The following FKBP14 variants were observed in gnomAD, a reference collection of about 807,000 sequenced individuals.
FKBP14 encodes the protein peptidyl-prolyl cis-trans isomerase FKBP14.
Under a neutral mutation model 21.6 loss-of-function variants are expected in FKBP14, and 20 were observed. That is an observed-to-expected ratio of 0.92 (90% confidence interval 0.65 to 1.34). The LOEUF (loss-of-function observed/expected upper bound fraction) is 1.34, where lower values mean the gene tolerates loss of function less well. Ranked by LOEUF, FKBP14 falls within the 40% of genes most tolerant of loss-of-function variation. FKBP14 has a pLI of 0.00. For missense variants in FKBP14, 253 were observed against 249.0 expected (o/e 1.02, Z -0.11); for synonymous variants, 79 against 86.7 (o/e 0.91, Z 0.49).
At chr7:30,017,121 A>G (rs1197300624) in intron 3 of FKBP14, among the ~76,000 whole-genome samples, 1 of 152,144 alleles carries the variant, frequency 6.6e-6, no homozygotes, top group South Asian at 2.1e-4. Flanking sequence ...AGAAACTAAT[A>G]AAACTAAGCC....
downstream of FKBP14, among the ~76,000 whole-genome samples, chr7:30,006,302 T>G (rs1013128734): frequency 4.6e-5 from 7 of 151,912 alleles, no homozygotes; most frequent in African/African-American, 1.7e-4. Flanking sequence ...TTTAAATAAT[T>G]TTTTTGTAAA....
rs369590377 is a variant in FKBP14 at position 30,022,655 on chromosome 7, A to C, written c.349+10T>G. The C allele has an allele frequency of 1.2e-6, 2 of 1,607,840 alleles. No individual in the cohort carries two copies. Among genetic ancestry groups the C allele is most frequent in the Non-Finnish European group, 1.7e-6 (2 of 1,178,094 alleles). On this transcript the variant is annotated intron_variant, in intron 2 of 3. Coordinates refer to ENST00000222803, the MANE Select transcript of FKBP14 (RefSeq NM_017946.4). ...GTGCTATAGTAAGAAAAATACAGAA[A>C]TACTATTACCTTTTCCTTCTTTTCC...
chr7:30,020,467 T>C (rs1790002418), intron 2 of FKBP14, among the ~76,000 whole-genome samples: 2 of 152,206 alleles, frequency 1.3e-5, no homozygotes, highest in South Asian at 4.1e-4. Flanking sequence ...TAGTCCCCAC[T>C]GGGATATGTC....
rs1046042580 is a variant in FKBP14 at position 30,011,589 on chromosome 7, A to G, written c.*3146T>C. 1.1e-4 allele frequency: 15 copies of G among 131,548 alleles called. No individual in the cohort carries two copies. The highest frequency in any genetic ancestry group is 3.9e-4 in the African/African-American group (14 of 35,658). The allele number at this position is 131,548 out of a possible 1,614,324, so 8.1% of individuals were successfully genotyped here. A position where few individuals can be genotyped will look rare whatever the true frequency, so the allele number is the denominator to read the frequency against. ...CCATATATATGGTATATATATATAT[A>G]TAGTATATATATATATATATATTTT... On this transcript the variant is annotated 3_prime_UTR_variant, in exon 4 of 4. Coordinates refer to ENST00000222803, the MANE Select transcript of FKBP14 (RefSeq NM_017946.4).
downstream of FKBP14, among the ~76,000 whole-genome samples, chr7:30,007,931 C>T (rs911475038): frequency 6.6e-6 from 1 of 152,118 alleles, no homozygotes; most frequent in African/African-American, 2.4e-5. Flanking sequence ...CACCTTTAGT[C>T]CCAGCTACTT....
At chr7:30,018,005 A>T (rs919412399) in intron 3 of FKBP14, among the ~76,000 whole-genome samples, 9 of 31,224 alleles carry the variant, frequency 2.9e-4, no homozygotes, top group African/African-American at 7.7e-4. Flanking sequence ...CAGGAAATAA[A>T]TAAATAAATA....
Position 30,019,095 on chromosome 7 carries a change from T to C in FKBP14, c.378A>G (p.Ile126Met). ...KGKIPPESTL[I>M]FNIDLLEIRN... is the part of the protein sequence containing the mutation. ...GAATCTCCAGGAGATCAATATTAAA[T>C]ATCAGTGTACTTTCTGGGGGAATTT... Residue 126 changes from isoleucine to methionine, a missense_variant, in exon 3 of 4, where the codon ATA (isoleucine) becomes ATG (methionine). Ile to Met is a conservative substitution (Grantham distance 10). Coordinates refer to ENST00000222803, the MANE Select transcript of FKBP14 (RefSeq NM_017946.4). The C allele has an allele frequency of 6.3e-7, 1 of 1,585,762 alleles. No individual in the cohort carries two copies. The highest frequency in any genetic ancestry group is 8.5e-7 in the Non-Finnish European group (1 of 1,171,602).
At chr7:30,022,924 A>G (rs906043218) in intron 1 of FKBP14, 108 bp from the exon 2 acceptor site, 1 of 980,992 alleles carries the variant, frequency 1.0e-6, no homozygotes, top group Admixed American at 2.9e-5. Flanking sequence ...AAAAATTTAT[A>G]AATACAGCAA....
At position 30,026,372 on chromosome 7, in the gene FKBP14, T is replaced by A. The variant is rs1159422560; in HGVS notation, c.137A>T (p.Asp46Val). The change falls in exon 1 of 4, where the codon GAT becomes GTT. Residue 46 changes from aspartate to valine, a missense_variant. By Grantham distance (152) the Asp-to-Val change is radical. Transcript: ENST00000222803. ...GCCTTCATAGTGGACCAACATCAAA[T>A]CCCCTCCTTTGGTCTTGCGATGGCA... ...FICHRKTKGG[D>V]LMLVHYEGYL... The A allele has an allele frequency of 6.2e-7, 1 of 1,613,958 alleles. No individual in the cohort carries two copies. Among genetic ancestry groups the A allele is most frequent in the African/African-American group, 1.3e-5 (1 of 74,890 alleles).
intron 2 of FKBP14, among the ~76,000 whole-genome samples, chr7:30,020,825 A>G (rs1348871987): frequency 6.6e-6 from 1 of 152,282 alleles, no homozygotes; most frequent in East Asian, 1.9e-4. Flanking sequence ...ATCAGAAAAA[A>G]TTTTCTAGAT....
Position 30,026,455 on chromosome 7 carries a change from A to C in FKBP14, c.54T>G (p.Ile18Met), listed in dbSNP as rs771576582. Residue 18 changes from isoleucine to methionine, a missense_variant, in exon 1 of 4, where the codon ATT (isoleucine) becomes ATG (methionine). Physicochemically the swap from Ile to Met is conservative, Grantham distance 10. Coordinates refer to ENST00000222803, the MANE Select transcript of FKBP14 (RefSeq NM_017946.4). Reference sequence around the variant, plus strand: ...CTTCTGGTTCAGGGATCAAAGCCCCAATCAAAGAAGTGACGAACAGAGTCA... The same window carrying C: ...CTTCTGGTTCAGGGATCAAAGCCCCCATCAAAGAAGTGACGAACAGAGTCA... ...AVLTLFVTSL[I>M]GALIPEPEVK... 6.2e-7 allele frequency: 1 copy of C among 1,614,148 alleles called. No homozygotes were observed. The highest frequency in any genetic ancestry group is 8.5e-7 in the Non-Finnish European group (1 of 1,179,998).
chr7:30,022,874 G>C, intron 1 of FKBP14, 58 bp from the exon 2 acceptor site: 1 of 1,513,850 alleles, frequency 6.6e-7, no homozygotes, highest in Non-Finnish European at 8.9e-7. Context: ...ATTTTCTTTA[G>C]TGCATTTTCC....
chr7:30,024,905 A>C (rs984804913), intron 1 of FKBP14, among the ~76,000 whole-genome samples: 1 of 152,264 alleles, frequency 6.6e-6, no homozygotes, highest in African/African-American at 2.4e-5. Flanking sequence ...CAGACTAAAA[A>C]TAACAATATA....
rs1790067858 is a variant in FKBP14 at position 30,022,705 on chromosome 7, G to A, written c.309C>T (p.Leu103=). The change falls in exon 2 of 4, where the codon CTC becomes CTT. Residue 103 remains leucine (L), a synonymous_variant. Coordinates refer to ENST00000222803, the MANE Select transcript of FKBP14 (RefSeq NM_017946.4). ...KGMCVGEKRK[L]IIPPALGYGK... ...CATAGCCCAGAGCAGGAGGAATGAT[G>A]AGCTTTCTCTTCTCTCCTACACACA... 1 of 1,614,054 alleles carries A rather than the reference G, an allele frequency of 6.2e-7. No individual in the cohort carries two copies. Among genetic ancestry groups the A allele is most frequent in the Non-Finnish European group, 8.5e-7 (1 of 1,180,000 alleles).
chr7:30,007,109 A>G (rs776058354), downstream of FKBP14, among the ~76,000 whole-genome samples: 24 of 152,162 alleles, frequency 1.6e-4, no homozygotes, highest in African/African-American at 2.7e-4. Flanking sequence ...TTATATTTCA[A>G]TAGTTGAGTT....
chr7:30,019,442 A>G (rs923092359), intron 2 of FKBP14, among the ~76,000 whole-genome samples: 1 of 152,116 alleles, frequency 6.6e-6, no homozygotes, highest in African/African-American at 2.4e-5. Flanking sequence ...TAATTAATAT[A>G]TTACATATTA....
downstream of FKBP14, among the ~76,000 whole-genome samples, chr7:30,006,662 G>A (rs1044593471): frequency 6.6e-6 from 1 of 152,132 alleles, no homozygotes; most frequent in Admixed American, 6.5e-5. Context: ...TCTTCGTTGT[G>A]TGGCACTAAC....
intron 3 of FKBP14, among the ~76,000 whole-genome samples, chr7:30,017,553 G>C (rs910768186): frequency 1.1e-4 from 17 of 151,110 alleles, no homozygotes; most frequent in Non-Finnish European, 2.2e-4. Flanking sequence ...TGGCAACAGA[G>C]TGAGATTCCG....
At chr7:30,022,899 TAA>T (rs1790074663) in intron 1 of FKBP14, 83 bp from the exon 2 acceptor site, 2 of 1,274,372 alleles carry the variant, frequency 1.6e-6, no homozygotes, top group Middle Eastern at 3.9e-4. Flanking sequence ...AGTAAGTGGT[TAA>T]GTTTATTAGT....
Sources: allele counts gnomAD v4.1 joint callset (sites outside exome capture counted in the v4.1 genomes callset), GRCh38; gene constraint gnomAD v4.1.1; transcripts MANE v1.5; gene names NCBI Gene and HGNC (gene_info 2026-07-23, HGNC 2026-07-21).